TTN: variants seen among roughly 807,000 people sequenced by gnomAD.
The protein encoded by TTN is titin.
A neutral mutation model predicts 3,223.0 loss-of-function variants in TTN; 1,525 were observed. The ratio of observed to expected loss-of-function variants is 0.47; its 90% CI spans 0.45 to 0.49. The LOEUF (loss-of-function observed/expected upper bound fraction) is 0.49. TTN is among the 20% of genes least tolerant of loss of function. The pLI is 0.00. For synonymous variants in TTN, 14,094 were observed against 15,161.0 expected, an observed-to-expected ratio of 0.93 and a Z score of 5.17; for missense variants, 40,786 against 43,424.0, an observed-to-expected ratio of 0.94 and a Z score of 5.40.
rs1406055937 is a variant in TTN, at chr2:178,527,078, G to A, written c.107910C>T (p.Thr35970=). Residue 35970 remains threonine, a synonymous_variant, in exon 363 of 363, where the codon ACC becomes ACT. Transcript: ENST00000589042. ...ATCCAAATTCATTCCCTAAACTCAG[G>A]GTATAAAGTCCACCATCTTGTTTCT... The part of the protein sequence containing the change: ...DVQKQDGGLY[T]LSLGNEFGSD... The A allele has an allele frequency of 6.2e-7, 1 of 1,613,834 alleles. No individual in the cohort carries two copies. The highest frequency in any genetic ancestry group is 1.3e-5 in the African/African-American group (1 of 75,014).
At position 178,615,435 on chromosome 2, in the gene TTN, A is replaced by G. The variant is rs2154206090; in HGVS notation, c.48510T>C (p.Asn16170=). The change falls in exon 259 of 363, where the codon AAT becomes AAC. Residue 16170 remains asparagine, a synonymous_variant. Transcript: ENST00000589042. The part of the protein sequence containing the change: ...ENVKWRDRTA[N]SIFLTWDPPK... Reference sequence around the variant, plus strand: ...GTGGATCCCATGTTAAGAAGATGCTATTGGCTGTTCGATCTCTCCATTTAA... The same window carrying G: ...GTGGATCCCATGTTAAGAAGATGCTGTTGGCTGTTCGATCTCTCCATTTAA... The G allele has an allele frequency of 2.5e-6, 4 of 1,612,518 alleles. No homozygotes were observed. The highest frequency in any genetic ancestry group is 3.4e-6 in the Non-Finnish European group (4 of 1,178,978).
At chr2:178,586,426 C>G (rs1021866398) in intron 308 of TTN, 79 bp downstream of exon 308, 88 of 1,535,638 alleles carry the variant, frequency 5.7e-5, no homozygotes, top group Admixed American at 5.7e-4. Context: ...CTAGATTCCT[C>G]AGGGAGAAAT....
chr2:178,562,441 A>G lies in TTN; in HGVS notation c.83691T>C (p.Gly27897=), dbSNP rs760952271. The part of the protein sequence containing the change: ...PESDGGSKIT[G]YVVEMQTKGS... Reference sequence around the variant, plus strand: ...CTTTAGTCTGCATTTCAACCACATAACCAGTAATTTTGCTGCCACCATCAC... The same window carrying G: ...CTTTAGTCTGCATTTCAACCACATAGCCAGTAATTTTGCTGCCACCATCAC... Residue 27897 remains glycine, a synonymous_variant, in exon 326 of 363, where the codon GGT becomes GGC. Coordinates refer to ENST00000589042, the MANE Select transcript of TTN (RefSeq NM_001267550.2). 3.1e-6 allele frequency: 5 copies of G among 1,613,092 alleles called. No individual in the cohort carries two copies. The Admixed American group carries it at 8.3e-5, about 27-fold the overall frequency.
At position 178,593,610 on chromosome 2, in the gene TTN, C is replaced by T. The variant is rs182400450; in HGVS notation, c.58690G>A (p.Asp19564Asn). Residue 19564 changes from aspartate to asparagine, a missense_variant, in exon 298 of 363, where the codon GAT (aspartate) becomes AAT (asparagine). By Grantham distance (23) the Asp-to-Asn change is conservative. Coordinates refer to ENST00000589042, the MANE Select transcript of TTN (RefSeq NM_001267550.2). ...TTCATTGAATCAGACACCAGAGGAT[C>T]ACTTATTCCATACAGATTTTCAGCA... ...IHAENLYGISDPLVSDSMKAK... is the reference protein window; with the variant it reads ...IHAENLYGISNPLVSDSMKAK... 6.2e-7 allele frequency: 1 copy of T among 1,612,820 alleles called. No homozygotes were observed. Among genetic ancestry groups the T allele is most frequent in the African/African-American group, 1.3e-5 (1 of 75,024 alleles).
intron 242 of TTN, 72 bp downstream of exon 242, chr2:178,624,393 T>C: frequency 1.3e-6 from 2 of 1,591,594 alleles, no homozygotes; most frequent in Admixed American, 1.7e-5. Context: ...ATGCAAAAAG[T>C]GTTGTGTTGT....
chr2:178,568,350 C>T lies in TTN; in HGVS notation c.77782G>A (p.Val25928Ile). Reference sequence around the variant, plus strand: ...GTGGTGGTTGTATCTCTTTTCTGAACAATGTAGTTGGTGATTTGGCAGCCC... The same window carrying T: ...GTGGTGGTTGTATCTCTTTTCTGAATAATGTAGTTGGTGATTTGGCAGCCC... Reference protein sequence around the residue: ...TGGCQITNYIVQKRDTTTTVW... With the variant: ...TGGCQITNYIIQKRDTTTTVW... Residue 25928 changes from valine to isoleucine, a missense_variant, in exon 326 of 363, where the codon GTT becomes ATT. Coordinates refer to ENST00000589042, the MANE Select transcript of TTN (RefSeq NM_001267550.2). 2 of 1,613,388 alleles carry T rather than the reference C, an allele frequency of 1.2e-6. No individual in the cohort carries two copies. The highest frequency in any genetic ancestry group is 1.7e-6 in the Non-Finnish European group (2 of 1,179,602).
chr2:178,678,606 C>G, intron 143 of TTN, 109 bp from the exon 144 acceptor site: 3 of 1,134,736 alleles, frequency 2.6e-6, no homozygotes, highest in Non-Finnish European at 3.7e-6. Flanking sequence ...AAAGGTATTC[C>G]AAGAAGCATT....
chr2:178,576,069 C>G lies in TTN; in HGVS notation c.70063G>C (p.Val23355Leu). The G allele has an allele frequency of 6.2e-7, 1 of 1,613,526 alleles. No homozygotes were observed. The highest frequency in any genetic ancestry group is 8.5e-7 in the Non-Finnish European group (1 of 1,179,616). Residue 23355 changes from valine to leucine, a missense_variant, in exon 326 of 363, where the codon GTT (valine) becomes CTT (leucine). Coordinates refer to ENST00000589042, the MANE Select transcript of TTN (RefSeq NM_001267550.2). The surrounding 1 kb of genome is among the most constrained non-coding windows in gnomAD (Gnocchi z 4.3). ...ELDAELRRTL[V>L]VRAGLSIRIF... Reference sequence around the variant, plus strand: ...CTAATACTGAGTCCTGCTCTAACAACAAGTGTTCTTCGAAGCTCGGCATCT... The same window carrying G: ...CTAATACTGAGTCCTGCTCTAACAAGAAGTGTTCTTCGAAGCTCGGCATCT...
In TTN at chr2:178,725,841, G is replaced by A; in HGVS notation, c.20481C>T (p.Asp6827=). The change falls in exon 70 of 363, where the codon GAC becomes GAT. Residue 6827 remains aspartate (D), a synonymous_variant. Coordinates refer to ENST00000589042, the MANE Select transcript of TTN (RefSeq NM_001267550.2). ...SIHILNVDTS[D]IGEYHCKAQN... ...GTGCTTTGCAGTGGTATTCACCGAT[G>A]TCTGAAGTGTCCACATTGAGAATGT... is the stretch of plus-strand genomic sequence containing the variant. The A allele has an allele frequency of 1.2e-6, 2 of 1,613,288 alleles. No homozygotes were observed. The highest frequency in any genetic ancestry group is 1.7e-6 in the Non-Finnish European group (2 of 1,179,502).
intron 162 of TTN, 115 bp from the exon 163 acceptor site, chr2:178,667,016 T>C (rs1353316201): frequency 2.1e-6 from 2 of 959,778 alleles, no homozygotes; most frequent in Non-Finnish European, 3.0e-6. Context: ...GTTAGAAATG[T>C]TATTTTTGTT....
rs1390107396 is a variant in TTN, at chr2:178,674,377, C to T, written c.34645G>A (p.Glu11549Lys). Residue 11549 changes from glutamate to lysine, a missense_variant, in exon 151 of 363, where the codon GAA (glutamate) becomes AAA (lysine). Glu to Lys is a moderately conservative substitution (Grantham distance 56, BLOSUM62 1). Transcript: ENST00000589042. ...TEEPEEEPIS[E>K]EEIPEEPPSI... ...GGTGGTTCTTCTGGGATTTCTTCTT[C>T]TGAAATAGGCTCTTCTTCAGGCTCC... 6.3e-7 allele frequency: 1 copy of T among 1,592,178 alleles called. No individual in the cohort carries two copies. Among genetic ancestry groups the T allele is most frequent in the East Asian group, 2.3e-5 (1 of 44,260 alleles).
chr2:178,757,218 CAGTA>C (rs1427978942), intron 45 of TTN, among the ~76,000 whole-genome samples: 1 of 152,180 alleles, frequency 6.6e-6, no homozygotes, highest in African/African-American at 2.4e-5. Context: ...ACTTTAAGTA[CAGTA>C]AGTAATAATC....
At chr2:178,743,291 G>A (rs1247111619) in intron 47 of TTN, among the ~76,000 whole-genome samples, 1 of 151,980 alleles carries the variant, frequency 6.6e-6, no homozygotes, top group Non-Finnish European at 1.5e-5. Context: ...GCTATTAATT[G>A]TCTAAACTCA....
At chr2:178,749,571 CT>C (rs763394856) in intron 47 of TTN, 3 of 1,612,618 alleles carry the variant, frequency 1.9e-6, no homozygotes, top group Non-Finnish European at 2.5e-6. Flanking sequence ...TCTCCCTGGT[CT>C]TGCAGTTGCT....
Position 178,789,484 on chromosome 2 carries a change from G to A in TTN, c.1952C>T (p.Ala651Val), listed in dbSNP as rs2093374706. ...TATTGTAGACAAGGCAGTTTTCTCGGCTTCCTTTCTCATCTGATTATTACA... is the reference window on the plus strand; with the variant it reads ...TATTGTAGACAAGGCAGTTTTCTCGACTTCCTTTCTCATCTGATTATTACA... ...QITQEKMRKE[A>V]EKTALSTIAV... Residue 651 changes from alanine (A) to valine (V), a missense_variant, in exon 13 of 363, where the codon GCC becomes GTC. Transcript: ENST00000589042. The A allele has an allele frequency of 1.2e-6, 2 of 1,613,200 alleles. No individual in the cohort carries two copies. The highest frequency in any genetic ancestry group is 1.7e-6 in the Non-Finnish European group (2 of 1,179,468).
chr2:178,799,312 G>T, intron 6 of TTN, 175 bp downstream of exon 6: 1 of 952,242 alleles, frequency 1.1e-6, no homozygotes, highest in Non-Finnish European at 1.6e-6. Context: ...AGAGGAACAC[G>T]GAGCCCCACA....
Position 178,681,370 on chromosome 2 carries a change from A to G in TTN, c.33247+6T>C. 6.2e-7 allele frequency: 1 copy of G among 1,609,720 alleles called. No homozygotes were observed. The highest frequency in any genetic ancestry group is 8.5e-7 in the Non-Finnish European group (1 of 1,176,834). On this transcript the variant is annotated splice_donor_region_variant and intron_variant, in intron 137 of 362. Coordinates refer to ENST00000589042, the MANE Select transcript of TTN (RefSeq NM_001267550.2). Reference sequence around the variant, plus strand: ...TGTTTTTGGTGATTATTACTCAGTAATGTACCTTTGGGTGGTGGAGGTTTG... The same window carrying G: ...TGTTTTTGGTGATTATTACTCAGTAGTGTACCTTTGGGTGGTGGAGGTTTG...
chr2:178,675,960 C>G lies in TTN; in HGVS notation c.34414G>C (p.Val11472Leu). The G allele has an allele frequency of 6.2e-7, 1 of 1,607,290 alleles. No homozygotes were observed. The highest frequency in any genetic ancestry group is 2.2e-5 in the East Asian group (1 of 44,680). The change falls in exon 148 of 363, where the codon GTG becomes CTG. Residue 11472 changes from valine to leucine, a missense_variant. By Grantham distance (32) the Val-to-Leu change is conservative. Coordinates refer to ENST00000589042, the MANE Select transcript of TTN (RefSeq NM_001267550.2). Reference sequence around the variant, plus strand: ...GCCTCCTCTTTCTTGGGAATGACCACTTTCTTCTCTGTCACTTTCTTCTTA... The same window carrying G: ...GCCTCCTCTTTCTTGGGAATGACCAGTTTCTTCTCTGTCACTTTCTTCTTA... ...EIKKKVTEKK[V>L]VIPKKEEAPP...
chr2:178,710,945 A>C, intron 97 of TTN, 23 bp from the exon 98 acceptor site: 1 of 1,600,462 alleles, frequency 6.2e-7, no homozygotes. Context: ...CAGAAAGACA[A>C]GGTTTCAGGC....
Sources: allele counts gnomAD v4.1 joint callset (sites outside exome capture counted in the v4.1 genomes callset), GRCh38; gene constraint gnomAD v4.1.1; non-coding constraint Gnocchi (gnomAD v3.1); transcripts MANE v1.5; gene names NCBI Gene and HGNC (gene_info 2026-07-23, HGNC 2026-07-21).